PDE4D: variants seen among roughly 807,000 people sequenced by gnomAD.
PDE4D encodes 3',5'-cyclic-AMP phosphodiesterase 4D.
A neutral mutation model predicts 87.4 loss-of-function variants in PDE4D; 24 were observed. The ratio of observed to expected loss-of-function variants is 0.27; its 90% CI spans 0.20 to 0.39. PDE4D has a LOEUF of 0.39. Ranked by LOEUF, PDE4D falls within the 10% of genes least tolerant of loss-of-function variation. PDE4D has a pLI of 1.00. For missense variants in PDE4D, 714 were observed against 1,041.0 expected (o/e 0.69, Z 4.32); for synonymous variants, 384 against 383.2 (o/e 1.00, Z -0.02).
intron 1 of PDE4D, among the ~76,000 whole-genome samples, chr5:59,441,390 C>T (rs1325065523): frequency 6.6e-6 from 1 of 152,338 alleles, no homozygotes; most frequent in Middle Eastern, 3.4e-3. Context: ...AGCCACTGCA[C>T]CTGGCCCTGA....
At chr5:59,988,431 A>G (rs926558187) in intron 3 of PDE4D, 1 of 1,162,858 alleles carries the variant, frequency 8.6e-7, no homozygotes. Flanking sequence ...AAAAGACCAC[A>G]GACAACAATC....
chr5:59,651,187 C>T lies in PDE4D; in HGVS notation c.455+241981G>A, dbSNP rs533564704. The stretch of plus-strand genomic sequence containing the variant: ...AGGAGAATGGCGTGAACCCAGGAGG[C>T]GGAGCTTGCAGTGAGCCGAGATCGC... On this transcript the variant is annotated intron_variant, in intron 1 of 14. Coordinates refer to ENST00000340635, the MANE Select transcript of PDE4D (RefSeq NM_001104631.2). Among the ~76,000 whole-genome samples the T allele has an allele frequency of 2.4e-4, 36 of 150,752 alleles. 1 individual carries two copies. The highest frequency in any genetic ancestry group is 6.8e-4 in the African/African-American group (28 of 41,142).
chr5:60,434,487 A>T lies in PDE4D; in HGVS notation c.-90+53455T>A, dbSNP rs573990658. ...TTAAAAGGCAGAGTCAGTAGCATGA[A>T]TTGTATAGATTACTCTAATTTTAAA... On this transcript the variant is annotated intron_variant, in intron 1 of 16. Coordinates refer to the PDE4D transcript ENST00000502484. Among the ~76,000 whole-genome samples, 15 of 152,196 alleles carry T rather than the reference A, an allele frequency of 9.9e-5. No homozygotes were observed. The East Asian group carries it at 2.3e-3, about 23-fold the overall frequency.
intron 3 of PDE4D, among the ~76,000 whole-genome samples, chr5:59,918,945 A>C (rs1426515976): frequency 2.6e-5 from 4 of 152,166 alleles, no homozygotes; most frequent in South Asian, 2.1e-4. Context: ...TAACCCAGTA[A>C]ATTTTTGAAT....
At chr5:59,930,086 C>T (rs1206921736) in intron 3 of PDE4D, among the ~76,000 whole-genome samples, 2 of 138,704 alleles carry the variant, frequency 1.4e-5, no homozygotes, top group Admixed American at 7.5e-5. Context: ...GGCGTGAACC[C>T]GGGAGGCGGA....
intron 2 of PDE4D, among the ~76,000 whole-genome samples, chr5:60,034,734 T>C (rs1456825145): frequency 6.6e-6 from 1 of 152,206 alleles, no homozygotes; most frequent in Non-Finnish European, 1.5e-5. Context: ...TTTCCGCATG[T>C]TATTCGTTAC....
chr5:60,103,979 A>C (rs1335045467), intron 2 of PDE4D, among the ~76,000 whole-genome samples: 1 of 152,208 alleles, frequency 6.6e-6, no homozygotes, highest in Non-Finnish European at 1.5e-5. Context: ...TACCAGGTTC[A>C]TCTCACTAGG....
At chr5:59,469,297 C>T (rs969853957) in intron 1 of PDE4D, among the ~76,000 whole-genome samples, 1 of 152,072 alleles carries the variant, frequency 6.6e-6, no homozygotes, top group African/African-American at 2.4e-5. Flanking sequence ...CACCGCACTC[C>T]AGCCTGGTTG....
chr5:60,306,939 A>G (rs1051022491), intron 1 of PDE4D, among the ~76,000 whole-genome samples: 6 of 152,154 alleles, frequency 3.9e-5, no homozygotes, highest in Non-Finnish European at 8.8e-5. Context: ...CAACATAGAT[A>G]AACAATGGAA....
intron 1 of PDE4D, among the ~76,000 whole-genome samples, chr5:59,418,656 T>G (rs1395388192): frequency 6.6e-6 from 1 of 151,202 alleles, no homozygotes; most frequent in Non-Finnish European, 1.5e-5. Context: ...CAATTTTTTT[T>G]TTGTTTTTTT....
chr5:59,296,194 T>C (rs2153558047), intron 1 of PDE4D, among the ~76,000 whole-genome samples: 1 of 152,228 alleles, frequency 6.6e-6, no homozygotes, highest in East Asian at 1.9e-4. Flanking sequence ...TCCAAGAAAC[T>C]CATTTATGTT....
chr5:59,792,181 G>A (rs889878456), intron 1 of PDE4D, among the ~76,000 whole-genome samples: 2 of 152,054 alleles, frequency 1.3e-5, no homozygotes, highest in East Asian at 1.9e-4. Flanking sequence ...GCACAGAAAC[G>A]GAACTAAGAT....
At chr5:59,498,719 A>G (rs1022775990) in intron 1 of PDE4D, among the ~76,000 whole-genome samples, 1 of 152,118 alleles carries the variant, frequency 6.6e-6, no homozygotes, top group Non-Finnish European at 1.5e-5. Flanking sequence ...TCAATTCAAT[A>G]AGAAGACTTA....
At chr5:60,196,079 T>G (rs1262288706) in intron 1 of PDE4D, among the ~76,000 whole-genome samples, 1 of 151,670 alleles carries the variant, frequency 6.6e-6, no homozygotes, top group East Asian at 1.9e-4. Context: ...CACTTTTTAT[T>G]TCAGCACAAA....
intron 5 of PDE4D, among the ~76,000 whole-genome samples, chr5:59,152,612 T>G (rs1391609225): frequency 1.3e-5 from 2 of 152,188 alleles, no homozygotes; most frequent in South Asian, 2.1e-4. Flanking sequence ...AAAAACGGTT[T>G]GTTTATTTGC....
intron 5 of PDE4D, among the ~76,000 whole-genome samples, chr5:59,094,015 C>A (rs1224604682): frequency 6.6e-6 from 1 of 151,700 alleles, no homozygotes; most frequent in Non-Finnish European, 1.5e-5. Flanking sequence ...GTCAAGAGAT[C>A]GAGATCACCC....
intron 1 of PDE4D, among the ~76,000 whole-genome samples, chr5:60,380,650 T>G (rs12519708): frequency 0.01 from 1,553 of 152,298 alleles, 107 homozygotes; most frequent in Admixed American, 0.089. Flanking sequence ...ATTTGGAGAT[T>G]GTTTGTTAGC....
chr5:59,972,939 G>A (rs1222697857), intron 3 of PDE4D, among the ~76,000 whole-genome samples: 2 of 152,054 alleles, frequency 1.3e-5, no homozygotes, highest in African/African-American at 4.8e-5. Flanking sequence ...GTTTCACTTG[G>A]TTCTGCTGGT....
At chr5:60,515,184 A>G (rs1750739230) in intron 1 of PDE4D, among the ~76,000 whole-genome samples, 1 of 152,168 alleles carries the variant, frequency 6.6e-6, no homozygotes, top group South Asian at 2.1e-4. Flanking sequence ...AAGTATTGAT[A>G]TCAGATAGTT....
Sources: gnomAD v4.1 joint callset for allele counts (sites outside exome capture counted in the v4.1 genomes callset) on GRCh38, gnomAD v4.1.1 for gene constraint, MANE v1.5 for transcripts, NCBI Gene and HGNC (gene_info 2026-07-23, HGNC 2026-07-21) for gene names.